The following PTPRT variants were observed in gnomAD, a reference collection of about 807,000 sequenced individuals.
PTPRT encodes receptor-type tyrosine-protein phosphatase T.
PTPRT carries 56 observed loss-of-function variants against 176.8 expected under a neutral mutation model. The ratio of observed to expected loss-of-function variants is 0.32; its 90% CI spans 0.26 to 0.40. PTPRT has a LOEUF of 0.40. Ranked by LOEUF, PTPRT falls within the 10% of genes least tolerant of loss-of-function variation. The pLI, the probability that PTPRT is intolerant of heterozygous loss-of-function variation, is 1.00. For missense variants in PTPRT, 1,540 were observed against 1,908.2 expected, an observed-to-expected ratio of 0.81 and a Z score of 3.60; for synonymous variants, 783 against 739.0, an observed-to-expected ratio of 1.06 and a Z score of -0.96.
chr20:42,295,318 A>T (rs2057372087), intron 12 of PTPRT, among the ~76,000 whole-genome samples: 1 of 152,202 alleles, frequency 6.6e-6, no homozygotes, highest in African/African-American at 2.4e-5. Flanking sequence ...CATTTTCCAA[A>T]AGCTCAGAGA....
At chr20:42,535,562 A>G (rs2072462018) in intron 7 of PTPRT, among the ~76,000 whole-genome samples, 1 of 152,208 alleles carries the variant, frequency 6.6e-6, no homozygotes, top group Non-Finnish European at 1.5e-5. Context: ...TTACTTCTAG[A>G]CAGCTAGCTA....
chr20:42,446,674 A>T (rs2070739635), intron 9 of PTPRT, among the ~76,000 whole-genome samples: 1 of 151,146 alleles, frequency 6.6e-6, no homozygotes, highest in African/African-American at 2.4e-5. Flanking sequence ...TGTAGATTTG[A>T]AGTGACTGGA....
rs116354774 is a variant in PTPRT, at chr20:42,892,777, G to A, written c.89-6845C>T. 2.5e-3 allele frequency among the ~76,000 whole-genome samples: 388 copies of A among 152,298 alleles called. 1 individual carries two copies. The highest frequency in any genetic ancestry group is 7.9e-3 in the African/African-American group (330 of 41,550). ...GAAGGGACTGAGACCACAGGACTGC[G>A]TCCCTCCAACTAAAGCTCCATAGCA... is the stretch of plus-strand genomic sequence containing the variant. On this transcript the variant is annotated intron_variant, in intron 1 of 30. Transcript: ENST00000373187.
chr20:42,982,626 C>T (rs570834363), intron 1 of PTPRT, among the ~76,000 whole-genome samples: 14 of 151,632 alleles, frequency 9.2e-5, no homozygotes, highest in African/African-American at 1.5e-4. Flanking sequence ...GTAGATGGAT[C>T]GAAAGGGGAG....
chr20:42,497,168 G>T (rs2071669633), intron 7 of PTPRT, among the ~76,000 whole-genome samples: 1 of 152,160 alleles, frequency 6.6e-6, no homozygotes, highest in African/African-American at 2.4e-5. Context: ...GGGCTTAGCA[G>T]CTTTACAGAT....
At chr20:42,540,145 C>T (rs1312000101) in intron 7 of PTPRT, among the ~76,000 whole-genome samples, 1 of 152,084 alleles carries the variant, frequency 6.6e-6, no homozygotes, top group Non-Finnish European at 1.5e-5. Context: ...TCATGTCATA[C>T]AAGTTTGGAC....
chr20:42,316,135 A>C, intron 11 of PTPRT, 139 bp from the exon 12 acceptor site: 1 of 969,428 alleles, frequency 1.0e-6, no homozygotes, highest in Non-Finnish European at 1.5e-6. Context: ...CCTGAGCATC[A>C]GATTTTCAAA....
chr20:42,147,880 C>T (rs922744297), intron 17 of PTPRT, among the ~76,000 whole-genome samples: 4 of 152,120 alleles, frequency 2.6e-5, no homozygotes, highest in African/African-American at 9.7e-5. Flanking sequence ...CCGTAATTGG[C>T]AGACTTTGAT....
chr20:42,254,709 A>G (rs564254073), intron 13 of PTPRT, among the ~76,000 whole-genome samples: 32 of 152,294 alleles, frequency 2.1e-4, no homozygotes, highest in African/African-American at 7.7e-4. Context: ...GACCCTTTCA[A>G]TGCGGCATCA....
chr20:42,621,160 C>T (rs935850900), intron 7 of PTPRT, among the ~76,000 whole-genome samples: 2 of 152,136 alleles, frequency 1.3e-5, no homozygotes, highest in Non-Finnish European at 2.9e-5. Context: ...TGCCTCCTTT[C>T]TTTCCCCCTC....
At chr20:42,420,150 A>T (rs563237974) in intron 9 of PTPRT, among the ~76,000 whole-genome samples, 8 of 152,278 alleles carry the variant, frequency 5.3e-5, no homozygotes, top group African/African-American at 1.9e-4. Context: ...TGGGAAAATC[A>T]TATCGGGTTG....
At chr20:42,670,811 G>A (rs963227103) in intron 7 of PTPRT, among the ~76,000 whole-genome samples, 1 of 152,156 alleles carries the variant, frequency 6.6e-6, no homozygotes, top group African/African-American at 2.4e-5. Flanking sequence ...TAATCGGAGT[G>A]GCCTGGGGTC....
At chr20:42,858,433 T>C (rs1261864633) in intron 2 of PTPRT, among the ~76,000 whole-genome samples, 2 of 152,088 alleles carry the variant, frequency 1.3e-5, no homozygotes, top group Non-Finnish European at 1.5e-5. Flanking sequence ...ATCCGAATGT[T>C]TGTGGAGGCC....
chr20:43,153,031 G>A (rs1266873510), intron 1 of PTPRT, among the ~76,000 whole-genome samples: 1 of 152,064 alleles, frequency 6.6e-6, no homozygotes, highest in Non-Finnish European at 1.5e-5. Context: ...AAAATTTAGG[G>A]TAACACTCAA....
intron 1 of PTPRT, among the ~76,000 whole-genome samples, chr20:42,958,065 G>A (rs1014654173): frequency 6.7e-5 from 10 of 150,242 alleles, no homozygotes; most frequent in African/African-American, 2.5e-4. Context: ...GCGGCAGACA[G>A]GCTCTGTGCC....
chr20:42,882,953 A>G (rs2079030548), intron 2 of PTPRT, among the ~76,000 whole-genome samples: 3 of 152,230 alleles, frequency 2.0e-5, no homozygotes, highest in African/African-American at 7.2e-5. Flanking sequence ...GAGGCAGGAG[A>G]GAGTCAGAAC....
At position 42,141,918 on chromosome 20, in the gene PTPRT, A is replaced by G. The variant is rs1473163818; in HGVS notation, c.2767T>C (p.Ser923Pro). ...GAGCTCCCAGAAGGGCACCTACAGG[A>G]TATGATGTTCCCATATCGATTCTTA... ...RNKNRYGNIISYDHSRVRLLV... is the reference protein window; with the variant it reads ...RNKNRYGNIIPYDHSRVRLLV... The change falls in exon 18 of 31, where the codon TCC becomes CCC. Residue 923 changes from serine to proline, a missense_variant. Transcript: ENST00000373187. The G allele has an allele frequency of 1.9e-6, 3 of 1,613,626 alleles. No homozygotes were observed. Among genetic ancestry groups the G allele is most frequent in the Non-Finnish European group, 2.5e-6 (3 of 1,179,642 alleles).
intron 7 of PTPRT, among the ~76,000 whole-genome samples, chr20:42,511,777 T>C (rs2071962397): frequency 6.6e-6 from 1 of 152,104 alleles, no homozygotes; most frequent in African/African-American, 2.4e-5. Context: ...GTCTATTTCC[T>C]TCTGAAAGGG....
chr20:42,932,598 T>C (rs1212831048), intron 1 of PTPRT, among the ~76,000 whole-genome samples: 21 of 152,194 alleles, frequency 1.4e-4, no homozygotes, highest in Non-Finnish European at 2.9e-5. Flanking sequence ...CCTGCTGACT[T>C]GGGTGACCAA....
Sources: gnomAD v4.1 joint callset for allele counts (sites outside exome capture counted in the v4.1 genomes callset) on GRCh38, gnomAD v4.1.1 for gene constraint, MANE v1.5 for transcripts, NCBI Gene and HGNC (gene_info 2026-07-23, HGNC 2026-07-21) for gene names.